MTFR1: variants seen among roughly 807,000 people sequenced by gnomAD.
MTFR1 encodes mitochondrial fission regulator 1, also known as chondrocyte protein with a poly-proline region.
In MTFR1, 28 loss-of-function variants were observed where a neutral mutation model predicts 38.8. The ratio of observed to expected loss-of-function variants is 0.72; its 90% CI spans 0.53 to 0.99. MTFR1 has a LOEUF of 0.99. MTFR1 is among the 50% of genes least tolerant of loss of function. The pLI is 0.00. For synonymous variants in MTFR1, 145 were observed against 137.0 expected, an observed-to-expected ratio of 1.06 and a Z score of -0.41; for missense variants, 358 against 395.5, an observed-to-expected ratio of 0.91 and a Z score of 0.81.
At chr8:65,740,453 T>G (rs1807365378) in intron 3 of MTFR1, among the ~76,000 whole-genome samples, 1 of 151,922 alleles carries the variant, frequency 6.6e-6, no homozygotes, top group Non-Finnish European at 1.5e-5. Context: ...TGGGCTGGAG[T>G]ACAATGGTGC....
intron 3 of MTFR1, among the ~76,000 whole-genome samples, chr8:65,684,986 A>G (rs1025702551): frequency 6.6e-6 from 1 of 152,132 alleles, no homozygotes; most frequent in Non-Finnish European, 1.5e-5. Context: ...CCTGGGCAAT[A>G]AGAGTGAAAC....
chr8:65,729,022 A>C (rs1799714573), intron 3 of MTFR1, among the ~76,000 whole-genome samples: 1 of 152,216 alleles, frequency 6.6e-6, no homozygotes, highest in Non-Finnish European at 1.5e-5. Context: ...ACCTTTCATC[A>C]GAAACAAAAT....
intron 4 of MTFR1, 67 bp downstream of exon 4, chr8:65,693,826 A>G: frequency 8.1e-7 from 1 of 1,236,286 alleles, no homozygotes; most frequent in South Asian, 1.3e-5. Flanking sequence ...TATTATTTGC[A>G]GTACTTATTT....
At chr8:65,689,397 G>A (rs1004197616) in intron 3 of MTFR1, among the ~76,000 whole-genome samples, 2 of 151,726 alleles carry the variant, frequency 1.3e-5, no homozygotes, top group Non-Finnish European at 2.9e-5. Flanking sequence ...GATTTTTTTG[G>A]TATATTATCA....
intron 2 of MTFR1, among the ~76,000 whole-genome samples, chr8:65,678,511 G>T (rs1422951326): frequency 6.6e-6 from 1 of 152,060 alleles, no homozygotes; most frequent in Non-Finnish European, 1.5e-5. Context: ...AGTCTACTGT[G>T]TATGCTTGAA....
chr8:65,703,749 GTTTTTGTATTTGTT>G (rs1356194530), intron 4 of MTFR1, among the ~76,000 whole-genome samples: 1 of 151,826 alleles, frequency 6.6e-6, no homozygotes, highest in African/African-American at 2.4e-5. Flanking sequence ...TGTTATTTTT[GTTTTTGTATTTGTT>G]TTTATTTCTT....
At chr8:65,726,505 T>G (rs986784551) in intron 3 of MTFR1, among the ~76,000 whole-genome samples, 5 of 152,188 alleles carry the variant, frequency 3.3e-5, no homozygotes, top group African/African-American at 9.7e-5. Flanking sequence ...TAATAGAATG[T>G]TTACATTCCA....
intron 3 of MTFR1, among the ~76,000 whole-genome samples, chr8:65,762,471 T>C (rs961824155): frequency 3.9e-5 from 6 of 152,264 alleles, no homozygotes; most frequent in Non-Finnish European, 8.8e-5. Context: ...GCTTAGGAAT[T>C]AGACACATCT....
At chr8:65,650,020 G>GT (rs1809076269) in intron 1 of MTFR1, among the ~76,000 whole-genome samples, 1 of 151,392 alleles carries the variant, frequency 6.6e-6, no homozygotes, top group Admixed American at 6.6e-5. Flanking sequence ...TGTATTTTTA[G>GT]TAGAGATGGG....
intron 3 of MTFR1, among the ~76,000 whole-genome samples, chr8:65,747,368 T>C (rs1183598444): frequency 6.6e-6 from 1 of 152,234 alleles, no homozygotes; most frequent in Non-Finnish European, 1.5e-5. Context: ...ATTACAATTC[T>C]GTGAGATCTT....
intron 4 of MTFR1, among the ~76,000 whole-genome samples, chr8:65,702,911 A>G (rs557138450): frequency 6.6e-6 from 1 of 152,242 alleles, no homozygotes; most frequent in East Asian, 1.9e-4. Context: ...GAGCTAGATA[A>G]TTCAGTGTAG....
rs1808627790 is a variant in MTFR1, at chr8:65,763,732, G to A, written c.*49-7215G>A. Reference sequence around the variant, plus strand: ...CTTAATTCCCTTATTAAAGTAAGCTGAGAAAGAAAGATGAAAAGCAAAGTA... The same window carrying A: ...CTTAATTCCCTTATTAAAGTAAGCTAAGAAAGAAAGATGAAAAGCAAAGTA... On this transcript the variant is annotated intron_variant, in intron 3 of 3. Coordinates refer to the MTFR1 transcript ENST00000521247. Among the ~76,000 whole-genome samples, 2 of 152,254 alleles carry A rather than the reference G, an allele frequency of 1.3e-5. 1 individual carries two copies. The highest frequency in any genetic ancestry group is 4.2e-4 in the South Asian group (2 of 4,818).
chr8:65,756,162 C>A (rs185321493), intron 3 of MTFR1, among the ~76,000 whole-genome samples: 103 of 152,282 alleles, frequency 6.8e-4, no homozygotes, highest in Admixed American at 3.1e-3. Flanking sequence ...TTGTACAAGA[C>A]AAGTTGCTTC....
intron 1 of MTFR1, among the ~76,000 whole-genome samples, chr8:65,657,092 T>C (rs1239682580): frequency 6.6e-6 from 1 of 151,646 alleles, no homozygotes; most frequent in Non-Finnish European, 1.5e-5. Flanking sequence ...CTGTTCACTG[T>C]AACATCCGCC....
At chr8:65,739,079 C>T (rs977596844) in intron 3 of MTFR1, among the ~76,000 whole-genome samples, 1 of 152,232 alleles carries the variant, frequency 6.6e-6, no homozygotes, top group Non-Finnish European at 1.5e-5. Context: ...TATCAGCTCT[C>T]TCGGAAACCT....
intron 1 of MTFR1, among the ~76,000 whole-genome samples, 188 bp from the exon 2 acceptor site, chr8:65,669,685 G>A (rs1351014096): frequency 6.6e-6 from 1 of 152,022 alleles, no homozygotes; most frequent in Non-Finnish European, 1.5e-5. Flanking sequence ...CTGAGTAGCT[G>A]GGATTACAGG....
intron 3 of MTFR1, among the ~76,000 whole-genome samples, chr8:65,759,681 T>C (rs1808402238): frequency 6.6e-6 from 1 of 152,176 alleles, no homozygotes; most frequent in Non-Finnish European, 1.5e-5. Flanking sequence ...TACTCTGTCA[T>C]TTTGAATGGC....
At chr8:65,695,392 C>T (rs1805408243) in intron 4 of MTFR1, among the ~76,000 whole-genome samples, 1 of 151,774 alleles carries the variant, frequency 6.6e-6, no homozygotes, top group African/African-American at 2.4e-5. Context: ...CACTTGGTTG[C>T]CCGAGTGAGG....
chr8:65,714,042 C>T (rs573397052), downstream of MTFR1, among the ~76,000 whole-genome samples: 5 of 151,528 alleles, frequency 3.3e-5, no homozygotes, highest in South Asian at 2.1e-4. Flanking sequence ...TATCATTACC[C>T]GAACAAAACC....
Sources: allele counts gnomAD v4.1 joint callset (sites outside exome capture counted in the v4.1 genomes callset), GRCh38; gene constraint gnomAD v4.1.1; transcripts MANE v1.5; gene names NCBI Gene and HGNC (gene_info 2026-07-23, HGNC 2026-07-21).